The following NFIA variants were observed in gnomAD, a reference collection of about 807,000 sequenced individuals.
NFIA encodes the protein nuclear factor I A.
NFIA carries 8 observed loss-of-function variants against 62.8 expected under a neutral mutation model. The ratio of observed to expected loss-of-function variants is 0.13; its 90% CI spans 0.07 to 0.23. NFIA has a LOEUF of 0.23. NFIA is among the 10% of genes least tolerant of loss of function. NFIA has a pLI of 1.00. For missense variants in NFIA, 410 were observed against 642.1 expected (o/e 0.64, Z 3.91); for synonymous variants, 235 against 238.1 (o/e 0.99, Z 0.12).
At chr1:61,096,502 C>T (rs1479070331) in intron 2 of NFIA, among the ~76,000 whole-genome samples, 1 of 150,640 alleles carries the variant, frequency 6.6e-6, no homozygotes, top group African/African-American at 2.5e-5. Context: ...CCACGCCTGG[C>T]CATGAGCTTT....
chr1:61,415,259 A>T (rs1287148290), intron 9 of NFIA, among the ~76,000 whole-genome samples: 1 of 152,202 alleles, frequency 6.6e-6, no homozygotes, highest in Non-Finnish European at 1.5e-5. Flanking sequence ...ATTAAGCCAT[A>T]AAATAGCACA....
In NFIA at chr1:61,204,004, A is replaced by G. The variant is rs547506157; in HGVS notation, c.560-73516A>G. On this transcript the variant is annotated intron_variant, in intron 2 of 10. Transcript: ENST00000403491. ...AGTTGGTGAATACTCATTTTTGACC[A>G]AAGAAGATACTGGTTTGTTTTCCAG... Among the ~76,000 whole-genome samples, 4 of 152,314 alleles carry G rather than the reference A, an allele frequency of 2.6e-5. No individual in the cohort carries two copies. In the South Asian group the frequency reaches 8.3e-4, roughly 32 times the overall value.
intron 2 of NFIA, among the ~76,000 whole-genome samples, chr1:61,265,183 G>A (rs1657081781): frequency 6.6e-6 from 1 of 152,118 alleles, no homozygotes; most frequent in Non-Finnish European, 1.5e-5. Flanking sequence ...ATGTTCCACT[G>A]TTCCATAGTA....
chr1:61,288,653 A>T (rs937931890), intron 3 of NFIA, among the ~76,000 whole-genome samples: 4 of 152,180 alleles, frequency 2.6e-5, no homozygotes, highest in African/African-American at 9.7e-5. Flanking sequence ...AGGACAAGAG[A>T]TTTATTGGGG....
At chr1:61,081,397 T>TG (rs545584739), upstream of NFIA, among the ~76,000 whole-genome samples, 879 of 152,134 alleles carry the variant, frequency 5.8e-3, 12 homozygotes, top group Non-Finnish European at 4.8e-3. Flanking sequence ...AACTATTACC[T>TG]GGGGGAGGGA....
intron 2 of NFIA, among the ~76,000 whole-genome samples, chr1:61,248,300 C>A (rs1431892948): frequency 6.6e-6 from 1 of 152,146 alleles, no homozygotes; most frequent in Non-Finnish European, 1.5e-5. Flanking sequence ...ATTACGCAAG[C>A]CTTTTAACTA....
intron 10 of NFIA, among the ~76,000 whole-genome samples, chr1:61,444,583 C>T (rs1354999163): frequency 6.6e-6 from 1 of 152,148 alleles, no homozygotes; most frequent in Non-Finnish European, 1.5e-5. Context: ...GAGAACAATA[C>T]AGAAAGGTTG....
At chr1:61,171,668 C>G (rs985994798) in intron 2 of NFIA, among the ~76,000 whole-genome samples, 3 of 152,090 alleles carry the variant, frequency 2.0e-5, no homozygotes, top group Non-Finnish European at 2.9e-5. Flanking sequence ...ATAAGAGAAT[C>G]CTCCTCCCTG....
intron 10 of NFIA, among the ~76,000 whole-genome samples, chr1:61,445,504 A>G (rs976371562): frequency 3.3e-5 from 5 of 152,220 alleles, no homozygotes; most frequent in Non-Finnish European, 5.9e-5. Context: ...TGAAACTGCA[A>G]ACTCTCCCAT....
chr1:61,398,111 T>G (rs1665373251), intron 7 of NFIA, among the ~76,000 whole-genome samples: 1 of 152,220 alleles, frequency 6.6e-6, no homozygotes, highest in Non-Finnish European at 1.5e-5. Flanking sequence ...GCCCTTTGCC[T>G]GTATTTGAAA....
At chr1:61,277,656 G>A in intron 3 of NFIA, 71 bp downstream of exon 3, 1 of 1,497,548 alleles carries the variant, frequency 6.7e-7, no homozygotes, top group South Asian at 1.1e-5. Flanking sequence ...CTAAGTGTGA[G>A]GATTTGGGGG....
At chr1:61,117,209 A>G (rs1646807039) in intron 2 of NFIA, among the ~76,000 whole-genome samples, 1 of 152,208 alleles carries the variant, frequency 6.6e-6, no homozygotes, top group African/African-American at 2.4e-5. Context: ...TATAAACTTA[A>G]TAAATGAAAG....
intron 10 of NFIA, among the ~76,000 whole-genome samples, chr1:61,447,683 A>G (rs1014313777): frequency 1.3e-5 from 2 of 152,200 alleles, no homozygotes; most frequent in Admixed American, 6.5e-5. Flanking sequence ...CGCAGGCTCA[A>G]TTTAATGGAT....
At chr1:61,424,866 C>A (rs944731017) in intron 9 of NFIA, among the ~76,000 whole-genome samples, 1 of 152,134 alleles carries the variant, frequency 6.6e-6, no homozygotes, top group African/African-American at 2.4e-5. Context: ...ACCCCCATAC[C>A]AGTAAGTGAG....
At chr1:61,159,271 TACTG>T (rs113695983) in intron 2 of NFIA, among the ~76,000 whole-genome samples, 3,091 of 152,288 alleles carry the variant, frequency 0.02, 68 homozygotes, top group East Asian at 0.093. Flanking sequence ...AAAAGACACT[TACTG>T]GTAGTTTTCA....
In NFIA at chr1:61,365,888, C is replaced by T. The variant is rs534318082; in HGVS notation, c.946+6614C>T. ...CATTAGGATTACTGAGGCAGCCAGG[C>T]TTACCCAGCTGAGGGTAGTTGAAAG... On this transcript the variant is annotated intron_variant, in intron 6 of 10. Transcript: ENST00000403491. Among the ~76,000 whole-genome samples, 26 of 152,290 alleles carry T rather than the reference C, an allele frequency of 1.7e-4. No individual in the cohort carries two copies. In the South Asian group the frequency reaches 5.4e-3, roughly 32 times the overall value.
At chr1:61,328,091 A>G (rs1431363275) in intron 3 of NFIA, among the ~76,000 whole-genome samples, 3 of 126,192 alleles carry the variant, frequency 2.4e-5, no homozygotes, top group African/African-American at 8.2e-5. Context: ...TCATTTGCCT[A>G]CTTTTTGCTG....
At chr1:61,265,322 T>G (rs2100249598) in intron 2 of NFIA, among the ~76,000 whole-genome samples, 1 of 152,330 alleles carries the variant, frequency 6.6e-6, no homozygotes, top group African/African-American at 2.4e-5. Flanking sequence ...GCACTGCATA[T>G]GTCAGGGAGA....
At chr1:61,222,298 G>T (rs1235315743) in intron 2 of NFIA, among the ~76,000 whole-genome samples, 8 of 152,106 alleles carry the variant, frequency 5.3e-5, no homozygotes, top group Admixed American at 1.3e-4. Flanking sequence ...CAGTTGCAAA[G>T]AAAGTCAAGT....
Sources: gnomAD v4.1 joint callset for allele counts (sites outside exome capture counted in the v4.1 genomes callset) on GRCh38, gnomAD v4.1.1 for gene constraint, MANE v1.5 for transcripts, NCBI Gene and HGNC (gene_info 2026-07-23, HGNC 2026-07-21) for gene names.